EPRS1: variants seen among roughly 807,000 people sequenced by gnomAD.
EPRS1 encodes bifunctional glutamate/proline--tRNA ligase.
In EPRS1, 107 loss-of-function variants were observed where a neutral mutation model predicts 188.3. The ratio of observed to expected loss-of-function variants is 0.57; its 90% CI spans 0.49 to 0.67. EPRS1 has a LOEUF of 0.67. Ranked by LOEUF, EPRS1 falls within the 30% of genes least tolerant of loss-of-function variation. The probability of loss-of-function intolerance (pLI) is 0.00; values close to 1 mark genes in which losing one functional copy is unlikely to be tolerated. For missense variants in EPRS1, 1,577 were observed against 1,802.2 expected, an observed-to-expected ratio of 0.88 and a Z score of 2.26; for synonymous variants, 596 against 593.1, an observed-to-expected ratio of 1.00 and a Z score of -0.07.
chr1:220,033,264 G>T (rs552844992), intron 4 of EPRS1, among the ~76,000 whole-genome samples: 14 of 131,264 alleles, frequency 1.1e-4, no homozygotes, highest in Non-Finnish European at 1.5e-4. Flanking sequence ...AAGGCAAGAA[G>T]GAAGTTGGGG....
intron 3 of EPRS1, among the ~76,000 whole-genome samples, chr1:220,034,570 C>T (rs912161309): frequency 2.6e-5 from 4 of 152,158 alleles, no homozygotes; most frequent in African/African-American, 9.7e-5. Flanking sequence ...CTTAACTTTT[C>T]TAGGCCTGCT....
chr1:219,996,896 C>T (rs41304103), intron 18 of EPRS1, 87 bp downstream of exon 18: 17,455 of 1,322,910 alleles, frequency 0.013, 257 homozygotes, highest in East Asian at 0.063. Flanking sequence ...TATGAGCAGT[C>T]GATGTTTTAT....
Position 220,040,174 on chromosome 1 carries a change from A to G in EPRS1, c.131+11T>C. On this transcript the variant is annotated intron_variant, in intron 2 of 31. Coordinates refer to ENST00000366923, the MANE Select transcript of EPRS1 (RefSeq NM_004446.3). Reference sequence around the variant, plus strand: ...AATCAGTACTGAAAATAAAAAGATGAAAACACTTACTCAGAAACATGAAGA... The same window carrying G: ...AATCAGTACTGAAAATAAAAAGATGGAAACACTTACTCAGAAACATGAAGA... The G allele has an allele frequency of 6.4e-7, 1 of 1,556,708 alleles. No homozygotes were observed. The highest frequency in any genetic ancestry group is 8.8e-7 in the Non-Finnish European group (1 of 1,136,698).
rs1422834202 is a variant in EPRS1 at position 220,034,923 on chromosome 1, T to A, written c.222A>T (p.Glu74Asp). 6.3e-7 allele frequency: 1 copy of A among 1,576,910 alleles called. No individual in the cohort carries two copies. Among genetic ancestry groups the A allele is most frequent in the Admixed American group, 1.7e-5 (1 of 59,902 alleles). ...AATGTTCATTGCTTACCTCAGTATG[T>A]TCCATCAGATTAGAGCCATATAACC... The part of the protein sequence containing the change: ...TAGLYGSNLM[E>D]HTEIDHWLEF... Residue 74 changes from glutamate (E) to aspartate (D), a missense_variant, in exon 3 of 32, where the codon GAA becomes GAT. This residue lies in a region of EPRS1 where 1,278 missense variants were observed against 1,457.4 expected (regional missense o/e 0.88). Transcript: ENST00000366923.
intron 8 of EPRS1, 52 bp downstream of exon 8, chr1:220,024,212 A>G (rs1661929423): frequency 8.2e-7 from 1 of 1,226,040 alleles, no homozygotes; most frequent in Non-Finnish European, 1.1e-6. Flanking sequence ...ACGTTCTACT[A>G]AAGAAGCACA....
At position 219,988,649 on chromosome 1, in the gene EPRS1, C is replaced by T; in HGVS notation, c.2716G>A (p.Asp906Asn). The change falls in exon 19 of 32, where the codon GAC becomes AAC. Residue 906 changes from aspartate to asparagine, a missense_variant. Asp to Asn is a conservative substitution (Grantham distance 23). This residue lies in a region of EPRS1 where 1,278 missense variants were observed against 1,457.4 expected (regional missense o/e 0.88). Transcript: ENST00000366923. ...ACTTCCCCTTGAGAAGCTACTTTGT[C>T]AAAAAGTACTTTCGCTTCTGGTGTT... Reference protein sequence around the residue: ...LETPEAKVLFDKVASQGEVVR... With the variant: ...LETPEAKVLFNKVASQGEVVR... 1 of 1,613,892 alleles carries T rather than the reference C, an allele frequency of 6.2e-7. No individual in the cohort carries two copies. Among genetic ancestry groups the T allele is most frequent in the South Asian group, 1.1e-5 (1 of 91,058 alleles).
At chr1:220,016,140 T>A (rs1017106199) in intron 12 of EPRS1, among the ~76,000 whole-genome samples, 3 of 151,890 alleles carry the variant, frequency 2.0e-5, no homozygotes, top group Admixed American at 6.6e-5. Flanking sequence ...GGTCGGGAGT[T>A]CGAGACCAGC....
chr1:220,025,222 C>T lies in EPRS1; in HGVS notation c.660G>A (p.Leu220=). Reference sequence around the variant, plus strand: ...TAAAGTTAACCTGGTAGTGCTGGTTCAGAAGAGCAGCTTTTGCATGCCCAA... The same window carrying T: ...TAAAGTTAACCTGGTAGTGCTGGTTTAGAAGAGCAGCTTTTGCATGCCCAA... ...LHIGHAKAAL[L]NQHYQVNFKG... is the part of the protein sequence containing the mutation. The change falls in exon 7 of 32, where the codon CTG becomes CTA. Residue 220 remains leucine (L), a synonymous_variant. Coordinates refer to ENST00000366923, the MANE Select transcript of EPRS1 (RefSeq NM_004446.3). 1.2e-6 allele frequency: 2 copies of T among 1,610,922 alleles called. No homozygotes were observed. Among genetic ancestry groups the T allele is most frequent in the Non-Finnish European group, 1.7e-6 (2 of 1,178,204 alleles).
chr1:219,980,764 C>T lies in EPRS1; in HGVS notation c.3547G>A (p.Ala1183Thr), dbSNP rs1199362205. 6.2e-7 allele frequency: 1 copy of T among 1,608,158 alleles called. No individual in the cohort carries two copies. ...HSAFATMEEA[A>T]EEVLQILDLY... is the part of the protein sequence containing the mutation. Reference sequence around the variant, plus strand: ...AAAATAACTTTTTATACCTCTTCCGCTGCCTCTTCCATGGTAGCAAAAGCA... The same window carrying T: ...AAAATAACTTTTTATACCTCTTCCGTTGCCTCTTCCATGGTAGCAAAAGCA... Residue 1183 changes from alanine to threonine, a missense_variant, in exon 25 of 32, where the codon GCG (alanine) becomes ACG (threonine). Ala to Thr is a moderately conservative substitution (Grantham distance 58). Transcript: ENST00000366923.
rs2102559002 is a variant in EPRS1 at position 219,973,313 on chromosome 1, A to G, written c.4169T>C (p.Leu1390Pro). 1.9e-6 allele frequency: 3 copies of G among 1,612,468 alleles called. No individual in the cohort carries two copies. The highest frequency in any genetic ancestry group is 1.7e-6 in the Non-Finnish European group (2 of 1,179,666). Reference protein sequence around the residue: ...VAVRRDTGEKLTVAENEAETK... With the variant: ...VAVRRDTGEKPTVAENEAETK... ...CTCTGCCTCATTTTCAGCAACTGTC[A>G]GCTTTTCTCCAGTATCTCGTCTGAC... Residue 1390 changes from leucine to proline, a missense_variant, in exon 29 of 32, where the codon CTG becomes CCG. Physicochemically the swap from Leu to Pro is moderately conservative, Grantham distance 98. Coordinates refer to ENST00000366923, the MANE Select transcript of EPRS1 (RefSeq NM_004446.3).
rs1660900183 is a variant in EPRS1 at position 219,981,541 on chromosome 1, TAATAGG to T, written c.3374-90_3374-85del. On this transcript the variant is annotated intron_variant, in intron 23 of 31. Transcript: ENST00000366923. ...GTAACAGCTAAACCAGCAAGATAAT[TAATAGG>T]AATTAAAATGTAATAAATAAATTTG... The T allele has an allele frequency of 4.5e-6, 3 of 659,604 alleles. No individual in the cohort carries two copies. The Admixed American group carries it at 8.1e-5, about 18-fold the overall frequency. The allele number at this position is 659,604 out of a possible 1,614,324, so 40.9% of individuals were successfully genotyped here.
intron 29 of EPRS1, among the ~76,000 whole-genome samples, 200 bp downstream of exon 29, chr1:219,973,038 C>T (rs1278704144): frequency 6.6e-6 from 1 of 152,060 alleles, no homozygotes; most frequent in African/African-American, 2.4e-5. Context: ...TGTTGCAAAC[C>T]TAGTAGGAAG....
intron 23 of EPRS1, among the ~76,000 whole-genome samples, chr1:219,981,815 G>T (rs2133195): frequency 6.6e-6 from 1 of 152,008 alleles, no homozygotes; most frequent in South Asian, 2.1e-4. Context: ...TCATTGACCT[G>T]TTCAATTCTC....
At chr1:220,037,505 C>CAAAAAAAAAAAAAAAAAAA (rs766349279) in intron 2 of EPRS1, among the ~76,000 whole-genome samples, 2 of 52,322 alleles carry the variant, frequency 3.8e-5, no homozygotes, top group Non-Finnish European at 8.2e-5. Context: ...ACTCCATCTC[C>CAAAAAAAAAAAAAAAAAAA]AAAAAAAAAA....
chr1:219,987,447 C>A, intron 19 of EPRS1, 43 bp from the exon 20 acceptor site: 1 of 1,499,660 alleles, frequency 6.7e-7, no homozygotes, highest in Admixed American at 2.1e-5. Flanking sequence ...CAGTATTTAA[C>A]TCAAGTCATT....
chr1:220,024,397 CG>C lies in EPRS1; in HGVS notation c.809del (p.Ser270TrpfsTer7). 8.1e-6 allele frequency: 13 copies of C among 1,612,002 alleles called. No individual in the cohort carries two copies. Among genetic ancestry groups the C allele is most frequent in the Non-Finnish European group, 1.1e-5 (13 of 1,179,204 alleles). On this transcript the variant is annotated frameshift_variant, in exon 8 of 32. Transcript: ENST00000366923. LOFTEE classifies it high-confidence loss of function. ...HIKPDQFTYTSDHFETIMKYA... is the reference protein window; with the variant it reads ...HIKPDQFTYTXDHFETIMKYA... ...ACTTCATTATAGTTTCAAAATGATCCGAAGTATAAGTAAATTGATCTGGTTT... is the reference window on the plus strand; with the variant it reads ...ACTTCATTATAGTTTCAAAATGATCCAAGTATAAGTAAATTGATCTGGTTT...
chr1:219,974,615 A>T (rs1326646762), intron 28 of EPRS1, among the ~76,000 whole-genome samples: 1 of 152,178 alleles, frequency 6.6e-6, no homozygotes, highest in Non-Finnish European at 1.5e-5. Context: ...GAAAAATTTT[A>T]AATATTACTC....
intron 4 of EPRS1, among the ~76,000 whole-genome samples, 160 bp from the exon 5 acceptor site, chr1:220,032,686 C>G (rs570020038): frequency 6.6e-6 from 1 of 152,214 alleles, no homozygotes; most frequent in South Asian, 2.1e-4. Context: ...TTTTCTAAAA[C>G]AGTTAGCTCT....
rs200398607 is a variant in EPRS1 at position 220,022,407 on chromosome 1, C to T, written c.1055G>A (p.Arg352Lys). The T allele has an allele frequency of 6.0e-5, 97 of 1,614,018 alleles. 1 individual carries two copies. Among genetic ancestry groups the T allele is most frequent in the Non-Finnish European group, 4.2e-6 (5 of 1,179,996 alleles). The change falls in exon 9 of 32, where the codon AGA becomes AAA. Residue 352 changes from arginine (R) to lysine (K), a missense_variant. Physicochemically the swap from Arg to Lys is conservative, Grantham distance 26. Transcript: ENST00000366923. ...IDMSSNNGCM[R>K]DPTLYRCKIQ... ...TTTGCAGCGATAAAGGGTTGGATCT[C>T]TCATGCATCCATTGTTACTACTCAT...
Sources: gnomAD v4.1 joint callset for allele counts (sites outside exome capture counted in the v4.1 genomes callset) on GRCh38, gnomAD v4.1.1 for gene constraint, gnomAD v4.1.1 regional missense constraint, MANE v1.5 for transcripts, NCBI Gene and HGNC (gene_info 2026-07-23, HGNC 2026-07-21) for gene names.